The following RXRA variants were observed in gnomAD, a reference collection of about 807,000 sequenced individuals.
RXRA encodes retinoid X receptor alpha, also known as retinoic acid receptor RXR-alpha.
In RXRA, 5 loss-of-function variants were observed where a neutral mutation model predicts 44.5. That is an observed-to-expected ratio of 0.11 (90% CI 0.06 to 0.24). The LOEUF (loss-of-function observed/expected upper bound fraction) is 0.24, where lower values mean the gene tolerates loss of function less well. RXRA is among the 10% of genes least tolerant of loss of function. RXRA has a pLI of 1.00. For missense variants in RXRA, 412 were observed against 646.5 expected, an observed-to-expected ratio of 0.64 and a Z score of 3.93; for synonymous variants, 291 against 271.4, an observed-to-expected ratio of 1.07 and a Z score of -0.71.
intron 1 of RXRA, among the ~76,000 whole-genome samples, chr9:134,360,142 G>T (rs1020777996): frequency 5.9e-5 from 9 of 152,182 alleles, no homozygotes; most frequent in African/African-American, 2.2e-4. Context: ...CCCCGCGATT[G>T]CTCTGTCCTG....
chr9:134,350,313 C>G (rs1830206310), intron 1 of RXRA, among the ~76,000 whole-genome samples: 1 of 152,172 alleles, frequency 6.6e-6, no homozygotes, highest in South Asian at 2.1e-4. Context: ...CTGGCCCCCG[C>G]CTCGCCAGCT....
At chr9:134,333,602 C>A (rs1434683506) in intron 1 of RXRA, among the ~76,000 whole-genome samples, 3 of 152,154 alleles carry the variant, frequency 2.0e-5, no homozygotes, top group Admixed American at 2.0e-4. Flanking sequence ...AAAGACAACC[C>A]CGGGTGCGGC....
chr9:134,350,464 G>A (rs1172555391), intron 1 of RXRA, among the ~76,000 whole-genome samples: 1 of 152,186 alleles, frequency 6.6e-6, no homozygotes, highest in Non-Finnish European at 1.5e-5. Flanking sequence ...GGTGGCTGGG[G>A]TCCCCAGGGG....
At chr9:134,364,955 C>G (rs181832372) in intron 1 of RXRA, among the ~76,000 whole-genome samples, 12 of 152,364 alleles carry the variant, frequency 7.9e-5, no homozygotes, top group African/African-American at 2.4e-4. Flanking sequence ...ATGTGGGTCC[C>G]TCCCCTTCTG....
At chr9:134,375,536 C>T (rs968991327) in intron 1 of RXRA, among the ~76,000 whole-genome samples, 9 of 152,168 alleles carry the variant, frequency 5.9e-5, no homozygotes, top group Non-Finnish European at 1.5e-5. Flanking sequence ...TGAGGGTCAG[C>T]CCGGAGACTG....
At chr9:134,339,467 C>G (rs1270420061) in intron 1 of RXRA, among the ~76,000 whole-genome samples, 1 of 150,314 alleles carries the variant, frequency 6.7e-6, no homozygotes, top group African/African-American at 2.5e-5. Flanking sequence ...GTGTGTGAGC[C>G]TGTGTGTGGG....
intron 1 of RXRA, among the ~76,000 whole-genome samples, chr9:134,370,800 T>A (rs1481451093): frequency 6.6e-6 from 1 of 151,818 alleles, no homozygotes; most frequent in Non-Finnish European, 1.5e-5. Context: ...CCACGGAGGG[T>A]CTGGGGTTGG....
chr9:134,377,395 A>G (rs1050085760), intron 1 of RXRA, among the ~76,000 whole-genome samples: 4 of 152,162 alleles, frequency 2.6e-5, no homozygotes, highest in African/African-American at 9.7e-5. Flanking sequence ...TGGGAGGCCC[A>G]GAGCATGGGA....
At chr9:134,424,096 T>C (rs1831394185) in intron 6 of RXRA, 2 of 984,946 alleles carry the variant, frequency 2.0e-6, no homozygotes, top group African/African-American at 3.5e-5. Context: ...CGTGGTGGAG[T>C]GCGGTGCTGA....
intron 1 of RXRA, among the ~76,000 whole-genome samples, chr9:134,336,846 A>G (rs1179197764): frequency 1.3e-5 from 2 of 152,352 alleles, no homozygotes; most frequent in South Asian, 2.1e-4. Context: ...AATCGTGACC[A>G]TGACTTGAAT....
chr9:134,427,070 C>T (rs1831445911), intron 6 of RXRA: 2 of 981,424 alleles, frequency 2.0e-6, no homozygotes, highest in East Asian at 1.1e-4. Context: ...AACCCTTCCC[C>T]TCCCTGGGCC....
At chr9:134,424,671 A>G (rs952611528) in intron 6 of RXRA, 1 of 985,346 alleles carries the variant, frequency 1.0e-6, no homozygotes, top group Non-Finnish European at 1.2e-6. Flanking sequence ...CACACGTCCA[A>G]TTCAGATGTG....
chr9:134,390,222 C>T (rs1217419597), intron 1 of RXRA, among the ~76,000 whole-genome samples: 2 of 152,200 alleles, frequency 1.3e-5, no homozygotes, highest in African/African-American at 4.8e-5. Flanking sequence ...GTCTGACACA[C>T]AGTGGGTAGG....
chr9:134,332,006 G>C (rs886327124), intron 1 of RXRA, among the ~76,000 whole-genome samples: 2 of 152,228 alleles, frequency 1.3e-5, no homozygotes, highest in African/African-American at 4.8e-5. Context: ...GTGGAGGGCT[G>C]AGGTCTCACC....
At chr9:134,360,418 C>T (rs1564269337) in intron 1 of RXRA, among the ~76,000 whole-genome samples, 1 of 152,222 alleles carries the variant, frequency 6.6e-6, no homozygotes, top group East Asian at 1.9e-4. Flanking sequence ...GGTTCGAGCT[C>T]TGGCTCTGTT....
intron 1 of RXRA, among the ~76,000 whole-genome samples, chr9:134,389,461 G>A (rs1830769006): frequency 6.6e-6 from 1 of 151,798 alleles, no homozygotes; most frequent in Admixed American, 6.5e-5. Context: ...GGGGTATAAT[G>A]GGGAGCCCTG....
intron 1 of RXRA, among the ~76,000 whole-genome samples, chr9:134,368,855 AGTGT>A (rs757098862): frequency 3.2e-5 from 4 of 123,186 alleles, no homozygotes; most frequent in Non-Finnish European, 4.8e-5. Flanking sequence ...TGTGTGTGAA[AGTGT>A]GTGAGTGCAG....
intron 1 of RXRA, among the ~76,000 whole-genome samples, chr9:134,382,720 T>G (rs1215036100): frequency 6.6e-6 from 1 of 152,080 alleles, no homozygotes; most frequent in Non-Finnish European, 1.5e-5. Context: ...GCTAACTATG[T>G]AACAGCCGGG....
chr9:134,419,518 G>A (rs900781640), intron 5 of RXRA, among the ~76,000 whole-genome samples: 3 of 152,170 alleles, frequency 2.0e-5, no homozygotes, highest in Admixed American at 1.3e-4. Context: ...TTCCAGAACC[G>A]CTCACTGGGC....
Sources: gnomAD v4.1 joint callset for allele counts (sites outside exome capture counted in the v4.1 genomes callset) on GRCh38, gnomAD v4.1.1 for gene constraint, MANE v1.5 for transcripts, NCBI Gene and HGNC (gene_info 2026-07-23, HGNC 2026-07-21) for gene names.